AFF3: variants seen among roughly 807,000 people sequenced by gnomAD.
The protein encoded by AFF3 is AF4/FMR2 family member 3.
A neutral mutation model predicts 129.7 loss-of-function variants in AFF3; 32 were observed. That is an observed-to-expected ratio of 0.25 (90% CI 0.19 to 0.33). The LOEUF (loss-of-function observed/expected upper bound fraction) is 0.33. Ranked by LOEUF, AFF3 falls within the 10% of genes least tolerant of loss-of-function variation. The probability of loss-of-function intolerance (pLI) is 1.00; values close to 1 mark genes in which losing one functional copy is unlikely to be tolerated. For synonymous variants in AFF3, 644 were observed against 635.4 expected, an observed-to-expected ratio of 1.01 and a Z score of -0.20; for missense variants, 1,373 against 1,592.0, an observed-to-expected ratio of 0.86 and a Z score of 2.34.
At chr2:99,673,079 G>A (rs1222893101) in intron 11 of AFF3, among the ~76,000 whole-genome samples, 2 of 151,428 alleles carry the variant, frequency 1.3e-5, no homozygotes, top group Non-Finnish European at 2.9e-5. Flanking sequence ...AATACATAGG[G>A]GCTTTTCCCC....
chr2:99,923,422 G>C (rs1224833621), intron 7 of AFF3, among the ~76,000 whole-genome samples: 1 of 152,172 alleles, frequency 6.6e-6, no homozygotes, highest in Non-Finnish European at 1.5e-5. Context: ...AAAAGGCTCT[G>C]GACTAAAGAA....
intron 11 of AFF3, among the ~76,000 whole-genome samples, chr2:99,685,370 C>T (rs1553429828): frequency 2.0e-5 from 3 of 152,158 alleles, no homozygotes; most frequent in Non-Finnish European, 4.4e-5. Context: ...CTCTATACAC[C>T]AATTACATTC....
chr2:100,132,934 G>A (rs1308130144), intron 1 of AFF3, among the ~76,000 whole-genome samples: 7 of 141,058 alleles, frequency 5.0e-5, no homozygotes, highest in Non-Finnish European at 9.3e-5. Context: ...TTCTGTTTTT[G>A]TTTTTTTTTT....
rs17023256 is a variant in AFF3 at position 99,873,679 on chromosome 2, T to C, written c.874-36155A>G. Among the ~76,000 whole-genome samples, 851 of 151,844 alleles carry C rather than the reference T, an allele frequency of 5.6e-3. 1 individual carries two copies. The highest frequency in any genetic ancestry group is 0.02 in the African/African-American group (820 of 41,404). On this transcript the variant is annotated intron_variant, in intron 7 of 24. Transcript: ENST00000672756. ...CTGGCTATAAGGAGATCAGACATCA[T>C]TTGAGGCTCTTGGTTAATCCAGGTG...
intron 8 of AFF3, among the ~76,000 whole-genome samples, chr2:99,759,125 A>T (rs2105255634): frequency 6.6e-6 from 1 of 152,276 alleles, no homozygotes; most frequent in South Asian, 2.1e-4. Context: ...TTTCCCTTCT[A>T]TGCCAATATA....
At chr2:99,731,438 T>C (rs1679823255) in intron 10 of AFF3, among the ~76,000 whole-genome samples, 1 of 152,186 alleles carries the variant, frequency 6.6e-6, no homozygotes, top group Non-Finnish European at 1.5e-5. Flanking sequence ...CTTATTTCTC[T>C]TGATTAATCA....
At chr2:99,823,517 T>C (rs1190268796) in intron 8 of AFF3, among the ~76,000 whole-genome samples, 1 of 152,184 alleles carries the variant, frequency 6.6e-6, no homozygotes, top group African/African-American at 2.4e-5. Context: ...TGAAAAGATA[T>C]TTACAAGCAC....
intron 7 of AFF3, among the ~76,000 whole-genome samples, chr2:99,990,126 T>TA (rs1234152923): frequency 1.3e-5 from 2 of 152,140 alleles, no homozygotes; most frequent in Non-Finnish European, 2.9e-5. Flanking sequence ...GCACAGTCCT[T>TA]ACTCACAGAG....
intron 15 of AFF3, among the ~76,000 whole-genome samples, chr2:99,591,755 C>T (rs552994504): frequency 6.6e-6 from 1 of 152,298 alleles, no homozygotes; most frequent in African/African-American, 2.4e-5. Context: ...AGACCTCAGA[C>T]TGATTTCTTA....
chr2:100,021,553 CATA>C (rs1220022930), intron 4 of AFF3, among the ~76,000 whole-genome samples: 1 of 152,112 alleles, frequency 6.6e-6, no homozygotes, highest in Non-Finnish European at 1.5e-5. Flanking sequence ...TAGTGGGAAT[CATA>C]ATAACAGTAA....
intron 11 of AFF3, among the ~76,000 whole-genome samples, chr2:99,694,373 G>T (rs1206873993): frequency 6.6e-6 from 1 of 152,142 alleles, no homozygotes; most frequent in Non-Finnish European, 1.5e-5. Context: ...CATTTGGTGT[G>T]AGCTATGAGC....
chr2:100,132,093 G>T (rs1029473948), intron 1 of AFF3, among the ~76,000 whole-genome samples: 5 of 152,174 alleles, frequency 3.3e-5, no homozygotes, highest in African/African-American at 1.2e-4. Flanking sequence ...CCCACAGGTT[G>T]TACCTAGGAT....
intron 4 of AFF3, among the ~76,000 whole-genome samples, chr2:100,031,938 GCAA>G (rs1308210561): frequency 3.9e-5 from 6 of 152,292 alleles, no homozygotes; most frequent in African/African-American, 1.4e-4. Context: ...ACAGCTATAT[GCAA>G]CAACATCAAT....
intron 7 of AFF3, among the ~76,000 whole-genome samples, chr2:99,969,474 T>C (rs1304494399): frequency 6.6e-6 from 1 of 151,254 alleles, no homozygotes. Context: ...TTTTATTTTA[T>C]TTTCATTTAT....
rs531690262 is a variant in AFF3 at position 99,682,285 on chromosome 2, A to G, written c.1092-9696T>C. ...CATAGGACAGAATTAGTCACTTCTT[A>G]TCTAAGTGAATAATTTGTACATAAC... On this transcript the variant is annotated intron_variant, in intron 11 of 24. Coordinates refer to ENST00000672756, the MANE Select transcript of AFF3 (RefSeq NM_001386135.1). 6.6e-5 allele frequency among the ~76,000 whole-genome samples: 10 copies of G among 152,278 alleles called. No homozygotes were observed. The East Asian group carries it at 1.9e-3, about 29-fold the overall frequency.
Position 99,629,401 on chromosome 2 carries a change from T to C in AFF3, c.1184+20225A>G, listed in dbSNP as rs1344856381. ...CGAGAGCCACATCAGGAATGCAATC[T>C]CATTCACAATTGTCACAGAAGAACA... On this transcript the variant is annotated intron_variant, in intron 13 of 24. Coordinates refer to ENST00000672756, the MANE Select transcript of AFF3 (RefSeq NM_001386135.1). Among the ~76,000 whole-genome samples, 3 of 152,276 alleles carry C rather than the reference T, an allele frequency of 2.0e-5. No individual in the cohort carries two copies. The East Asian group carries it at 5.8e-4, about 29-fold the overall frequency.
intron 10 of AFF3, among the ~76,000 whole-genome samples, chr2:99,742,330 C>A (rs2105125419): frequency 6.6e-6 from 1 of 152,066 alleles, no homozygotes; most frequent in South Asian, 2.1e-4. Context: ...GGCAACAGAG[C>A]AAGACCTTGT....
At chr2:99,960,141 A>T (rs1031812588) in intron 7 of AFF3, among the ~76,000 whole-genome samples, 8 of 152,162 alleles carry the variant, frequency 5.3e-5, no homozygotes, top group African/African-American at 1.9e-4. Flanking sequence ...CTGCTACTTA[A>T]GATTATTCAT....
intron 4 of AFF3, among the ~76,000 whole-genome samples, chr2:100,051,007 G>A (rs1011137238): frequency 1.8e-4 from 28 of 152,180 alleles, no homozygotes; most frequent in Admixed American, 1.8e-3. Flanking sequence ...CATGCTCTCC[G>A]CTAATCCTTG....
Sources: allele counts gnomAD v4.1 joint callset (sites outside exome capture counted in the v4.1 genomes callset), GRCh38; gene constraint gnomAD v4.1.1; transcripts MANE v1.5; gene names NCBI Gene and HGNC (gene_info 2026-07-23, HGNC 2026-07-21).